RGS6: variants seen among roughly 807,000 people sequenced by gnomAD.
RGS6 encodes regulator of G protein signaling 6, also known as regulator of G-protein signaling 6.
RGS6 carries 30 observed loss-of-function variants against 78.5 expected under a neutral mutation model. The ratio of observed to expected loss-of-function variants is 0.38; its 90% CI spans 0.29 to 0.52. The LOEUF is 0.52. Among genes scored for constraint, RGS6 ranks in the 20% least tolerant of loss-of-function variants. The pLI, the probability that RGS6 is intolerant of heterozygous loss-of-function variation, is 0.85. For missense variants in RGS6, 495 were observed against 609.7 expected, an observed-to-expected ratio of 0.81 and a Z score of 1.98; for synonymous variants, 206 against 206.0, an observed-to-expected ratio of 1.00 and a Z score of 0.00.
At chr14:71,869,020 C>T in the RGS6 span, among the ~76,000 whole-genome samples, 12 of 152,166 alleles carry the variant, frequency 7.9e-5, no homozygotes, top group African/African-American at 2.9e-4. Context: ...GTCAGCTGTG[C>T]TTGACACCAA....
At chr14:72,060,341 T>A (rs528077480) in intron 2 of RGS6, among the ~76,000 whole-genome samples, 1 of 151,150 alleles carries the variant, frequency 6.6e-6, no homozygotes, top group East Asian at 2.0e-4. Context: ...TTTTTTAATA[T>A]ATTCTTGTCC....
At chr14:72,387,872 C>T (rs1004984416) in intron 3 of RGS6, among the ~76,000 whole-genome samples, 1 of 152,268 alleles carries the variant, frequency 6.6e-6, no homozygotes, top group South Asian at 2.1e-4. Context: ...TCTTCGGAGA[C>T]TTCTCTCCTT....
At chr14:72,289,849 G>C (rs921687398) in intron 2 of RGS6, among the ~76,000 whole-genome samples, 1 of 152,160 alleles carries the variant, frequency 6.6e-6, no homozygotes, top group Admixed American at 6.5e-5. Context: ...AATCTAGGCA[G>C]ATGTTTAGTC....
intron 9 of RGS6, 80 bp from the exon 10 acceptor site, chr14:72,474,545 G>A: frequency 7.8e-7 from 1 of 1,283,068 alleles, no homozygotes; most frequent in Non-Finnish European, 1.1e-6. Flanking sequence ...ATAAAGATTG[G>A]TCCTGATGGT....
the RGS6 span, among the ~76,000 whole-genome samples, chr14:71,880,118 C>T: frequency 1.3e-5 from 2 of 152,306 alleles, no homozygotes; most frequent in Admixed American, 1.3e-4. Context: ...TGCCCCTCCC[C>T]TAGAGATTTG....
chr14:72,547,237 A>T (rs1024628226), intron 17 of RGS6: 5 of 1,535,530 alleles, frequency 3.3e-6, no homozygotes, highest in Non-Finnish European at 4.4e-6. Flanking sequence ...CAATGGCAGG[A>T]GTCTGGCAAG....
At chr14:72,282,301 A>G (rs1300162483) in intron 2 of RGS6, among the ~76,000 whole-genome samples, 1 of 152,160 alleles carries the variant, frequency 6.6e-6, no homozygotes, top group African/African-American at 2.4e-5. Context: ...GTACCAAGTG[A>G]TAAGCGTTAA....
chr14:72,100,661 T>C (rs900149029), intron 2 of RGS6, among the ~76,000 whole-genome samples: 3 of 152,214 alleles, frequency 2.0e-5, no homozygotes, highest in African/African-American at 7.2e-5. Flanking sequence ...CACGTAGTTT[T>C]CCCAGCTTAC....
At chr14:72,226,697 T>TATTG (rs1226611589) in intron 2 of RGS6, among the ~76,000 whole-genome samples, 1 of 152,214 alleles carries the variant, frequency 6.6e-6, no homozygotes, top group Non-Finnish European at 1.5e-5. Flanking sequence ...TTATACACTT[T>TATTG]ATTGATTGAT....
chr14:72,137,408 C>T (rs72719848), intron 2 of RGS6, among the ~76,000 whole-genome samples: 10,240 of 152,304 alleles, frequency 0.067, 398 homozygotes, highest in Non-Finnish European at 0.097. Flanking sequence ...GGTTCTAACA[C>T]TGTCTACCTG....
intron 2 of RGS6, among the ~76,000 whole-genome samples, chr14:72,332,672 G>A (rs953953398): frequency 8.5e-5 from 13 of 152,094 alleles, no homozygotes; most frequent in Non-Finnish European, 1.2e-4. Context: ...AGGAAGCCAG[G>A]GCCAATTCTT....
chr14:71,889,849 C>A, the RGS6 span, among the ~76,000 whole-genome samples: 2 of 152,106 alleles, frequency 1.3e-5, no homozygotes, highest in South Asian at 4.1e-4. Flanking sequence ...TCTCATGATG[C>A]TGAGTGAGTT....
At chr14:72,182,287 GTAGTCC>G (rs1176746683) in intron 2 of RGS6, among the ~76,000 whole-genome samples, 3 of 151,892 alleles carry the variant, frequency 2.0e-5, no homozygotes, top group African/African-American at 7.3e-5. Context: ...GCACACGCCT[GTAGTCC>G]TAGCTACTCA....
intron 2 of RGS6, among the ~76,000 whole-genome samples, chr14:72,053,677 AAGT>A (rs2093463124): frequency 6.6e-6 from 1 of 152,224 alleles, no homozygotes; most frequent in Non-Finnish European, 1.5e-5. Context: ...ATGTCATACA[AAGT>A]AGGAGTTTAA....
chr14:72,100,729 T>C (rs971225848), intron 2 of RGS6, among the ~76,000 whole-genome samples: 1 of 152,214 alleles, frequency 6.6e-6, no homozygotes, highest in Non-Finnish European at 1.5e-5. Context: ...TCAGTAAATA[T>C]TTGTTTTCTA....
At chr14:72,627,952 C>T in the RGS6 span, among the ~76,000 whole-genome samples, 1 of 152,054 alleles carries the variant, frequency 6.6e-6, no homozygotes, top group Admixed American at 6.6e-5. Context: ...TATGAGAAGG[C>T]TGTTAATTAT....
intron 2 of RGS6, among the ~76,000 whole-genome samples, chr14:72,264,476 A>G (rs2058700747): frequency 6.6e-6 from 1 of 152,238 alleles, no homozygotes; most frequent in Non-Finnish European, 1.5e-5. Context: ...TCATTTCTTT[A>G]AAGTACAACT....
At chr14:72,551,984 C>A (rs2097513684) in intron 17 of RGS6, among the ~76,000 whole-genome samples, 1 of 152,234 alleles carries the variant, frequency 6.6e-6, no homozygotes, top group Non-Finnish European at 1.5e-5. Context: ...GTGTGCTTAA[C>A]AGGTGTAGCT....
At chr14:72,502,593 G>A (rs1264489827) in intron 13 of RGS6, among the ~76,000 whole-genome samples, 5 of 152,070 alleles carry the variant, frequency 3.3e-5, no homozygotes, top group Admixed American at 1.3e-4. Flanking sequence ...GTGAAACCCC[G>A]TCTCTACTAA....
Sources: allele counts gnomAD v4.1 joint callset (sites outside exome capture counted in the v4.1 genomes callset), GRCh38; gene constraint gnomAD v4.1.1; transcripts MANE v1.5; gene names NCBI Gene and HGNC (gene_info 2026-07-23, HGNC 2026-07-21).